WNK3: variants seen among roughly 807,000 people sequenced by gnomAD.
The protein encoded by WNK3 is serine/threonine-protein kinase WNK3.
A neutral mutation model predicts 116.7 loss-of-function variants in WNK3; 18 were observed. The observed-to-expected ratio is 0.15, with a 90% CI of 0.11 to 0.23. WNK3 has a LOEUF of 0.23. Ranked by LOEUF, WNK3 falls within the 10% of genes least tolerant of loss-of-function variation. The probability of loss-of-function intolerance (pLI) is 1.00; values close to 1 mark genes in which losing one functional copy is unlikely to be tolerated. For synonymous variants in WNK3, 404 were observed against 469.4 expected (o/e 0.86, Z 1.80); for missense variants, 993 against 1,323.8 (o/e 0.75, Z 3.88).
rs1328413829 is a variant in WNK3, at chrX:54,314,598, G to T, written c.538-3307C>A. 2.7e-5 allele frequency among the ~76,000 whole-genome samples: 3 copies of T among 110,705 alleles called. No homozygotes were observed. In the Admixed American group the frequency reaches 2.9e-4, roughly 11 times the overall value. On this transcript the variant is annotated intron_variant, in intron 2 of 23. Transcript: ENST00000354646. ...AGCCTGAGCAACATGACAAAACCCTGTCTCTACAAAAAATACAAAAATTAG... is the reference window on the plus strand; with the variant it reads ...AGCCTGAGCAACATGACAAAACCCTTTCTCTACAAAAAATACAAAAATTAG...
At chrX:54,236,227 G>A (rs1293930945) in intron 20 of WNK3, among the ~76,000 whole-genome samples, 1 of 109,860 alleles carries the variant, frequency 9.1e-6, no homozygotes, top group Admixed American at 9.7e-5. Flanking sequence ...CTCCTGCCTC[G>A]GCCTCCCAAG....
chrX:54,341,676 T>G (rs1428788755), intron 1 of WNK3, among the ~76,000 whole-genome samples: 1 of 111,832 alleles, frequency 8.9e-6, no homozygotes, highest in Non-Finnish European at 1.9e-5. Flanking sequence ...GACATTATGC[T>G]AAGCGAAAGA....
chrX:54,327,704 G>C (rs1557173717), intron 2 of WNK3, among the ~76,000 whole-genome samples: 1 of 111,059 alleles, frequency 9.0e-6, no homozygotes, highest in African/African-American at 3.3e-5. Context: ...CAAAAGGCCA[G>C]GTGGTGGTGG....
At chrX:54,259,119 C>T (rs868958544) in intron 11 of WNK3, among the ~76,000 whole-genome samples, 155 bp downstream of exon 11, 1 of 45,268 alleles carries the variant, frequency 2.2e-5, no homozygotes, top group Non-Finnish European at 5.1e-5. Context: ...CATAAAAAAG[C>T]AAAAAAAAAA....
At chrX:54,249,004 T>C (rs782512030) in exon 17 of WNK3, 1 of 1,211,969 alleles carries the variant, frequency 8.3e-7, no homozygotes, top group South Asian at 1.8e-5. Flanking sequence ...TCTTAATTTT[T>C]CATCCAGAGT....
At chrX:54,355,500 G>A (rs2069582160) in intron 1 of WNK3, among the ~76,000 whole-genome samples, 1 of 110,676 alleles carries the variant, frequency 9.0e-6, no homozygotes, top group South Asian at 3.9e-4. Flanking sequence ...GCTGGGAAAA[G>A]GAAGAAAGGG....
intron 23 of WNK3, among the ~76,000 whole-genome samples, chrX:54,199,350 C>G (rs1268369224): frequency 9.0e-6 from 1 of 110,823 alleles, no homozygotes; most frequent in Non-Finnish European, 1.9e-5. Context: ...CTGTTCACTT[C>G]TGTTCAACTC....
At chrX:54,238,249 A>G in intron 19 of WNK3, 93 bp downstream of exon 19, 1 of 1,037,218 alleles carries the variant, frequency 9.6e-7, no homozygotes, top group Non-Finnish European at 1.3e-6. Flanking sequence ...AAATAAAAAC[A>G]AAAATGGAAG....
Position 54,237,495 on chromosome X carries a change from G to A in WNK3, c.4071C>T (p.His1357=), listed in dbSNP as rs1017963417. The A allele has an allele frequency of 1.8e-5, 21 of 1,182,561 alleles. No homozygotes were observed. In the African/African-American group the frequency reaches 3.0e-4, roughly 17 times the overall value. ...GGTTTGTCTCACTGAACACTGATAT[G>A]TGTTCTATTCCAAAAGATGTCATTT... is the stretch of plus-strand genomic sequence containing the variant. The change falls in exon 20 of 24, where the codon CAC becomes CAT. Residue 1357 remains histidine (H), a synonymous_variant. Transcript: ENST00000354646.
At chrX:54,340,164 C>A (rs924093229) in intron 1 of WNK3, among the ~76,000 whole-genome samples, 11 of 109,993 alleles carry the variant, frequency 1.0e-4, no homozygotes, top group East Asian at 8.5e-4. Context: ...AAACAAAAAA[C>A]CAAAAAAACA....
At chrX:54,215,135 A>C (rs1426273142) in intron 22 of WNK3, among the ~76,000 whole-genome samples, 5 of 107,131 alleles carry the variant, frequency 4.7e-5, no homozygotes, top group Admixed American at 2.0e-4. Context: ...AAAAAAAAAA[A>C]AAAACACCAT....
chrX:54,311,650 T>C (rs1473825215), intron 2 of WNK3, among the ~76,000 whole-genome samples: 3 of 112,222 alleles, frequency 2.7e-5, no homozygotes, highest in Non-Finnish European at 5.6e-5. Context: ...ACATCTGTAA[T>C]GTCAGAACAA....
At chrX:54,292,809 G>C in intron 10 of WNK3, 79 bp downstream of exon 10, 1 of 970,838 alleles carries the variant, frequency 1.0e-6, no homozygotes, top group Non-Finnish European at 1.4e-6. Flanking sequence ...ATTTATAAAA[G>C]AGAACTTTTG....
intron 17 of WNK3, among the ~76,000 whole-genome samples, chrX:54,243,191 G>A (rs376599181): frequency 8.4e-5 from 9 of 107,311 alleles, no homozygotes; most frequent in South Asian, 4.3e-4. Flanking sequence ...CGAGGCGGGC[G>A]GATCACGAGG....
Position 54,228,751 on chromosome X carries a change from C to T in WNK3, c.4841-8G>A. ...TTATAAGGCAGCTTTTCCCTGATAT[C>T]AAACCAGAAAAAGATAGTATCAAAA... is the stretch of plus-strand genomic sequence containing the variant. On this transcript the variant is annotated splice_region_variant and splice_polypyrimidine_tract_variant and intron_variant, in intron 21 of 23. Transcript: ENST00000354646. The T allele has an allele frequency of 2.1e-6, 1 of 482,595 alleles. No individual in the cohort carries two copies. Among genetic ancestry groups the T allele is most frequent in the South Asian group, 3.2e-5 (1 of 30,908 alleles). The allele number at this position is 482,595 out of a possible 1,213,427, so 39.8% of individuals were successfully genotyped here.
chrX:54,275,415 A>ATGTGTG (rs782672834), intron 10 of WNK3, among the ~76,000 whole-genome samples: 3,952 of 64,282 alleles, frequency 0.061, 223 homozygotes, highest in Middle Eastern at 0.087. Flanking sequence ...ATAAGTTCAT[A>ATGTGTG]TGTGTGTGTG....
At chrX:54,337,484 G>A (rs782045210) in intron 1 of WNK3, among the ~76,000 whole-genome samples, 215 of 108,168 alleles carry the variant, frequency 2.0e-3, no homozygotes, top group African/African-American at 6.4e-3. Flanking sequence ...GCTTGAACCC[G>A]GGAGGCAGAG....
At chrX:54,343,234 C>T (rs373653381) in intron 1 of WNK3, among the ~76,000 whole-genome samples, 11 of 110,376 alleles carry the variant, frequency 1.0e-4, no homozygotes, top group East Asian at 8.9e-4. Context: ...CTCAGCCGGG[C>T]GCGGTGGCTC....
At chrX:54,312,444 T>C (rs782494954) in intron 2 of WNK3, among the ~76,000 whole-genome samples, 31 of 111,574 alleles carry the variant, frequency 2.8e-4, no homozygotes, top group Non-Finnish European at 5.6e-4. Context: ...TATTTCTCAT[T>C]CCTTTTTTTT....
Sources: gnomAD v4.1 joint callset for allele counts (sites outside exome capture counted in the v4.1 genomes callset) on GRCh38, gnomAD v4.1.1 for gene constraint, MANE v1.5 for transcripts, NCBI Gene and HGNC (gene_info 2026-07-23, HGNC 2026-07-21) for gene names.